Variants in POM121C observed in about 807,000 individuals in gnomAD.
The protein encoded by POM121C is POM121 transmembrane nucleoporin C.
POM121C carries 20 observed loss-of-function variants against 66.4 expected under a neutral mutation model. The ratio of observed to expected loss-of-function variants is 0.30; its 90% CI spans 0.21 to 0.44. The LOEUF (loss-of-function observed/expected upper bound fraction) is 0.44. Ranked by LOEUF, POM121C falls within the 20% of genes least tolerant of loss-of-function variation. The pLI is 1.00. For missense variants in POM121C, 580 were observed against 1,225.7 expected (o/e 0.47, Z 7.87); for synonymous variants, 286 against 528.0 (o/e 0.54, Z 6.28).
chr7:75,450,409 C>T (rs1393890878), intron 3 of POM121C, among the ~76,000 whole-genome samples: 1 of 152,210 alleles, frequency 6.6e-6, no homozygotes, highest in Non-Finnish European at 1.5e-5. Flanking sequence ...CAGTCACAAG[C>T]ACTCAGTTGT....
Position 75,421,989 on chromosome 7 carries a change from C to G in POM121C, c.2263G>C (p.Val755Leu), listed in dbSNP as rs782333861. 20 of 1,613,798 alleles carry G rather than the reference C, an allele frequency of 1.2e-5. No individual in the cohort carries two copies. Among genetic ancestry groups the G allele is most frequent in the East Asian group, 2.2e-5 (1 of 44,896 alleles). ...TPAPASTIKI[V>L]PAHVPTPIQP... ...ATGGGCGTAGGCACGTGCGCAGGCA[C>G]GATCTTGATCGTGGACGCAGGTGCA... The change falls in exon 13 of 15, where the codon GTG becomes CTG. Residue 755 changes from valine to leucine, a missense_variant. Val to Leu is a conservative substitution (Grantham distance 32, BLOSUM62 1). Coordinates refer to ENST00000615331, the MANE Select transcript of POM121C (RefSeq NM_001099415.3).
In POM121C at chr7:75,424,204, G is replaced by C. The variant is rs1242877033; in HGVS notation, c.893C>G (p.Thr298Ser). 6.2e-7 allele frequency: 1 copy of C among 1,612,030 alleles called. No individual in the cohort carries two copies. The highest frequency in any genetic ancestry group is 2.2e-5 in the East Asian group (1 of 44,884). Residue 298 changes from threonine (T) to serine (S), a missense_variant, in exon 12 of 15, where the codon ACT becomes AGT. Physicochemically the swap from Thr to Ser is moderately conservative, Grantham distance 58. Coordinates refer to ENST00000615331, the MANE Select transcript of POM121C (RefSeq NM_001099415.3). ...DKSDAASNSV[T>S]ETPPTTQPSF... ...AGGCTGAGTGGTAGGTGGGGTCTCA[G>C]TGACAGAGTTCGAGGCAGCATCTAA... is the stretch of plus-strand genomic sequence containing the variant.
At chr7:75,432,701 A>T (rs1352863007) in intron 7 of POM121C, among the ~76,000 whole-genome samples, 2 of 152,216 alleles carry the variant, frequency 1.3e-5, no homozygotes, top group Non-Finnish European at 2.9e-5. Context: ...GCTATGCAAG[A>T]TGTAATGGAT....
At chr7:75,431,496 G>A (rs1486140436) in intron 7 of POM121C, among the ~76,000 whole-genome samples, 7 of 151,124 alleles carry the variant, frequency 4.6e-5, no homozygotes, top group South Asian at 2.1e-4. Context: ...CCAGCTACTC[G>A]GGAGGCTGAG....
intron 7 of POM121C, among the ~76,000 whole-genome samples, chr7:75,434,466 G>T (rs1405573648): frequency 6.6e-6 from 1 of 151,842 alleles, no homozygotes. Flanking sequence ...TAGTAGAGAT[G>T]GGGTTTTGCC....
chr7:75,417,783 G>A lies in POM121C; in HGVS notation c.*1013C>T, dbSNP rs1789530232. Reference sequence around the variant, plus strand: ...ACACCATGGGAAAATTCAGGAGTCGGCACTTGTAGCCGTCAAGTGGTGCTA... The same window carrying A: ...ACACCATGGGAAAATTCAGGAGTCGACACTTGTAGCCGTCAAGTGGTGCTA... On this transcript the variant is annotated 3_prime_UTR_variant, in exon 15 of 15. Coordinates refer to ENST00000615331, the MANE Select transcript of POM121C (RefSeq NM_001099415.3). The A allele has an allele frequency of 1.0e-6, 1 of 967,978 alleles. No individual in the cohort carries two copies. Among genetic ancestry groups the A allele is most frequent in the African/African-American group, 1.8e-5 (1 of 56,638 alleles). The allele number at this position is 967,978 out of a possible 1,614,324, so 60.0% of individuals were successfully genotyped here.
rs190735631 is a variant in POM121C, at chr7:75,481,938, C to G, written c.-458+3926G>C. Among the ~76,000 whole-genome samples the G allele has an allele frequency of 4.6e-5, 7 of 152,260 alleles. No individual in the cohort carries two copies. The East Asian group carries it at 1.2e-3, about 25-fold the overall frequency. On this transcript the variant is annotated intron_variant, in intron 1 of 14. Transcript: ENST00000615331. ...AGCAATAGTAAATCACAGCAATAATCAAGTCAATAGTTCTTAACTTCACAA... is the reference window on the plus strand; with the variant it reads ...AGCAATAGTAAATCACAGCAATAATGAAGTCAATAGTTCTTAACTTCACAA...
At position 75,441,517 on chromosome 7, in the gene POM121C, G is replaced by C. The variant is rs1554473995; in HGVS notation, c.-21C>G. 1.2e-6 allele frequency: 2 copies of C among 1,613,890 alleles called. No individual in the cohort carries two copies. The highest frequency in any genetic ancestry group is 1.1e-5 in the South Asian group (1 of 91,064). On this transcript the variant is annotated 5_prime_UTR_variant, in exon 4 of 15. Coordinates refer to ENST00000615331, the MANE Select transcript of POM121C (RefSeq NM_001099415.3). ...ACCATCCTGGAGTTGCGAGGGGACAGCACAGCCTTCTTGTGATAACCATTC... is the reference window on the plus strand; with the variant it reads ...ACCATCCTGGAGTTGCGAGGGGACACCACAGCCTTCTTGTGATAACCATTC...
intron 7 of POM121C, among the ~76,000 whole-genome samples, chr7:75,428,365 C>T (rs1790042050): frequency 6.6e-6 from 1 of 152,200 alleles, no homozygotes; most frequent in Admixed American, 6.5e-5. Flanking sequence ...GTCTTGATCT[C>T]TTGACCTCGT....
chr7:75,483,947 A>G (rs1792408022), intron 1 of POM121C, among the ~76,000 whole-genome samples: 1 of 152,058 alleles, frequency 6.6e-6, no homozygotes, highest in Non-Finnish European at 1.5e-5. Context: ...CTAAAAATAC[A>G]AAAAATTAGC....
chr7:75,475,013 CA>C, intron 2 of POM121C, 48 bp downstream of exon 2: 1 of 1,456,146 alleles, frequency 6.9e-7, no homozygotes, highest in Non-Finnish European at 9.6e-7. Context: ...CAAACTCAAG[CA>C]TAAAACCCCA....
Position 75,417,550 on chromosome 7 carries a change from G to C in POM121C, c.*1246C>G, listed in dbSNP as rs1417327324. The C allele has an allele frequency of 9.1e-6, 9 of 985,068 alleles. No homozygotes were observed. The African/African-American group carries it at 1.6e-4, about 17-fold the overall frequency. 61.0% of individuals were successfully genotyped at this position (985,068 alleles called of 1,614,324 possible). A position where few individuals can be genotyped will look rare whatever the true frequency, so the allele number is the denominator to read the frequency against. ...GGGCCTGGGGTATGTGGTTTCAGAA[G>C]GACGGAAGGAAAGGATGGGCTGCAG... On this transcript the variant is annotated 3_prime_UTR_variant, in exon 15 of 15. Coordinates refer to ENST00000615331, the MANE Select transcript of POM121C (RefSeq NM_001099415.3).
intron 1 of POM121C, among the ~76,000 whole-genome samples, chr7:75,483,234 G>A (rs1174747609): frequency 2.6e-5 from 4 of 152,180 alleles, no homozygotes; most frequent in Non-Finnish European, 5.9e-5. Context: ...GTAATTTAAT[G>A]GTTGTTGTTA....
At chr7:75,477,876 G>C (rs1792150748) in intron 1 of POM121C, among the ~76,000 whole-genome samples, 1 of 152,098 alleles carries the variant, frequency 6.6e-6, no homozygotes, top group Non-Finnish European at 1.5e-5. Flanking sequence ...ACCTGAAACA[G>C]CACACACCAA....
intron 3 of POM121C, among the ~76,000 whole-genome samples, chr7:75,459,599 CAAAAAAAAAAAAA>C (rs1211791667): frequency 4.6e-5 from 2 of 43,816 alleles, no homozygotes; most frequent in East Asian, 8.4e-4. Flanking sequence ...GACTCTGTCT[CAAAAAAAAAAAAA>C]AAAAAAAAGA....
At chr7:75,464,090 C>CA (rs1369110722) in intron 3 of POM121C, among the ~76,000 whole-genome samples, 1 of 145,596 alleles carries the variant, frequency 6.9e-6, no homozygotes, top group Non-Finnish European at 1.5e-5. Context: ...AAAAAAATTA[C>CA]AAACCATGCA....
chr7:75,433,456 C>T (rs1434523232), intron 7 of POM121C, among the ~76,000 whole-genome samples: 7 of 151,788 alleles, frequency 4.6e-5, no homozygotes, highest in Non-Finnish European at 2.9e-5. Context: ...CCCGGGTTCA[C>T]GCCATTCTCC....
intron 3 of POM121C, among the ~76,000 whole-genome samples, chr7:75,468,462 C>A (rs1427839285): frequency 2.7e-4 from 41 of 151,870 alleles, no homozygotes; most frequent in African/African-American, 9.9e-4. Flanking sequence ...GGATTACATG[C>A]GCCCACCACC....
At position 75,476,077 on chromosome 7, in the gene POM121C, C is replaced by A. The variant is rs587686728; in HGVS notation, c.-457-889G>T. 5.3e-5 allele frequency among the ~76,000 whole-genome samples: 8 copies of A among 152,164 alleles called. No individual in the cohort carries two copies. In the East Asian group the frequency reaches 1.4e-3, roughly 26 times the overall value. On this transcript the variant is annotated intron_variant, in intron 1 of 14. Transcript: ENST00000615331. ...GGAAGATCGTTTGAGCTCAGGAGTT[C>A]GAGACCAGGTTGGGCAACATAGTAA...
Sources: gnomAD v4.1 joint callset for allele counts (sites outside exome capture counted in the v4.1 genomes callset) on GRCh38, gnomAD v4.1.1 for gene constraint, MANE v1.5 for transcripts, NCBI Gene and HGNC (gene_info 2026-07-23, HGNC 2026-07-21) for gene names.